MAGI2: variants seen among roughly 807,000 people sequenced by gnomAD.
MAGI2 encodes the protein membrane-associated guanylate kinase, WW and PDZ domain-containing protein 2.
MAGI2 carries 35 observed loss-of-function variants against 133.3 expected under a neutral mutation model. The ratio of observed to expected loss-of-function variants is 0.26; its 90% CI spans 0.20 to 0.35. The LOEUF (loss-of-function observed/expected upper bound fraction) is 0.35, where lower values mean the gene tolerates loss of function less well. Among genes scored for constraint, MAGI2 ranks in the 10% least tolerant of loss-of-function variants. The probability of loss-of-function intolerance (pLI) is 1.00; values close to 1 mark genes in which losing one functional copy is unlikely to be tolerated. For synonymous variants in MAGI2, 729 were observed against 710.6 expected (o/e 1.03, Z -0.41); for missense variants, 1,636 against 1,863.4 (o/e 0.88, Z 2.25).
chr7:78,836,906 CAGCTG>C (rs1791674010), intron 2 of MAGI2, among the ~76,000 whole-genome samples: 3 of 142,904 alleles, frequency 2.1e-5, no homozygotes, highest in Non-Finnish European at 4.7e-5. Flanking sequence ...TACTCAGCCT[CAGCTG>C]TTCGTACTTT....
intron 1 of MAGI2, among the ~76,000 whole-genome samples, chr7:79,447,790 C>T (rs1433437476): frequency 1.3e-5 from 2 of 151,766 alleles, no homozygotes; most frequent in Non-Finnish European, 2.9e-5. Flanking sequence ...AGCCTTTTAA[C>T]TTATTTACAT....
intron 2 of MAGI2, among the ~76,000 whole-genome samples, chr7:78,717,629 A>T (rs1819849194): frequency 6.6e-6 from 1 of 152,150 alleles, no homozygotes; most frequent in Non-Finnish European, 1.5e-5. Context: ...ATAAATAATA[A>T]TGGCAAATTT....
chr7:79,148,864 A>G (rs889138964), intron 1 of MAGI2, among the ~76,000 whole-genome samples: 1 of 146,756 alleles, frequency 6.8e-6, no homozygotes, highest in African/African-American at 2.5e-5. Context: ...ATATATATGT[A>G]TGTTTTATAT....
chr7:78,184,995 C>A (rs957922158), intron 13 of MAGI2, among the ~76,000 whole-genome samples: 1 of 152,142 alleles, frequency 6.6e-6, no homozygotes, highest in African/African-American at 2.4e-5. Flanking sequence ...TCTCTTGAGA[C>A]CTTCTAGCTT....
chr7:79,433,254 G>C (rs981143092), intron 1 of MAGI2, among the ~76,000 whole-genome samples: 1 of 152,004 alleles, frequency 6.6e-6, no homozygotes, highest in African/African-American at 2.4e-5. Flanking sequence ...GTAGGTGAGA[G>C]AAAAATAATT....
chr7:79,033,283 G>A (rs1005898299), intron 1 of MAGI2, among the ~76,000 whole-genome samples: 1 of 152,124 alleles, frequency 6.6e-6, no homozygotes, highest in African/African-American at 2.4e-5. Context: ...AAGATATATA[G>A]CTATATGTTT....
intron 1 of MAGI2, among the ~76,000 whole-genome samples, chr7:79,197,986 C>A (rs187251960): frequency 1.3e-5 from 2 of 152,006 alleles, no homozygotes; most frequent in East Asian, 3.9e-4. Context: ...GTGTCTCAAT[C>A]CTGTAATCCC....
At chr7:79,064,020 G>A (rs764304868) in intron 1 of MAGI2, among the ~76,000 whole-genome samples, 10 of 152,038 alleles carry the variant, frequency 6.6e-5, no homozygotes, top group Non-Finnish European at 1.2e-4. Context: ...GATATCTCAC[G>A]TATATAGCTT....
At chr7:78,101,046 A>T (rs1818168560) in intron 20 of MAGI2, among the ~76,000 whole-genome samples, 1 of 152,218 alleles carries the variant, frequency 6.6e-6, no homozygotes, top group Non-Finnish European at 1.5e-5. Flanking sequence ...GATGGAAGAA[A>T]TTGAAAGAGA....
At chr7:78,655,980 C>CA (rs774125665) in intron 2 of MAGI2, among the ~76,000 whole-genome samples, 22,653 of 59,654 alleles carry the variant, frequency 0.38, 3,592 homozygotes, top group Non-Finnish European at 0.42. Context: ...GACTCCGTCT[C>CA]AAAAAAAAAA....
intron 2 of MAGI2, among the ~76,000 whole-genome samples, chr7:79,004,778 T>A (rs939734239): frequency 1.3e-5 from 2 of 151,986 alleles, no homozygotes; most frequent in Non-Finnish European, 2.9e-5. Flanking sequence ...AGAAAAAAAT[T>A]TTTTTAAAGG....
rs139895511 is a variant in MAGI2 at position 78,572,594 on chromosome 7, G to T, written c.539-50949C>A. Among the ~76,000 whole-genome samples, 506 of 152,156 alleles carry T rather than the reference G, an allele frequency of 3.3e-3. 2 individuals carry two copies. Among genetic ancestry groups the T allele is most frequent in the African/African-American group, 0.011 (475 of 41,522 alleles). On this transcript the variant is annotated intron_variant, in intron 3 of 21. Coordinates refer to ENST00000354212, the MANE Select transcript of MAGI2 (RefSeq NM_012301.4). ...ACAGAATTCCCTTACCTACCCCCCA[G>T]ATTCCTATCCCTGGATGCAATCATT...
At chr7:79,077,364 T>C (rs1219931058) in intron 1 of MAGI2, among the ~76,000 whole-genome samples, 1 of 151,502 alleles carries the variant, frequency 6.6e-6, no homozygotes, top group Non-Finnish European at 1.5e-5. Flanking sequence ...GATACCATCC[T>C]GGCTAACATG....
At chr7:78,793,311 G>T (rs1041144924) in intron 2 of MAGI2, among the ~76,000 whole-genome samples, 1 of 152,182 alleles carries the variant, frequency 6.6e-6, no homozygotes, top group Non-Finnish European at 1.5e-5. Flanking sequence ...CTTCCCAAAA[G>T]AATATTTGGC....
At chr7:78,131,831 T>C (rs1375356080) in intron 18 of MAGI2, among the ~76,000 whole-genome samples, 1 of 152,196 alleles carries the variant, frequency 6.6e-6, no homozygotes, top group Non-Finnish European at 1.5e-5. Context: ...CCTCATTAGA[T>C]TGTGGGTAGG....
rs1249826250 is a variant in MAGI2, at chr7:79,174,445, A to T, written c.302-167239T>A. Reference sequence around the variant, plus strand: ...CACATACACAAATGTGTGGTTCGGAAGGTAATCAAAAGTGATGAGAACATG... The same window carrying T: ...CACATACACAAATGTGTGGTTCGGATGGTAATCAAAAGTGATGAGAACATG... On this transcript the variant is annotated intron_variant, in intron 1 of 21. Transcript: ENST00000354212. Among the ~76,000 whole-genome samples the T allele has an allele frequency of 2.0e-5, 3 of 152,068 alleles. No individual in the cohort carries two copies. In the South Asian group the frequency reaches 6.2e-4, roughly 32 times the overall value.
intron 10 of MAGI2, among the ~76,000 whole-genome samples, chr7:78,212,350 C>A (rs1407821063): frequency 1.3e-5 from 2 of 152,152 alleles, no homozygotes; most frequent in Non-Finnish European, 2.9e-5. Flanking sequence ...TTTGATTATA[C>A]AGGTGGGCCC....
chr7:78,065,080 T>C (rs986287334), intron 21 of MAGI2, among the ~76,000 whole-genome samples: 4 of 152,086 alleles, frequency 2.6e-5, no homozygotes, highest in African/African-American at 7.2e-5. Context: ...GATCTTGTCC[T>C]GATTGGATAA....
intron 1 of MAGI2, among the ~76,000 whole-genome samples, chr7:79,209,681 A>G (rs1003392413): frequency 1.3e-5 from 2 of 152,068 alleles, no homozygotes; most frequent in African/African-American, 4.8e-5. Flanking sequence ...CTCCTCCAGG[A>G]CAATTAATCA....
Sources: gnomAD v4.1 joint callset for allele counts (sites outside exome capture counted in the v4.1 genomes callset) on GRCh38, gnomAD v4.1.1 for gene constraint, MANE v1.5 for transcripts, NCBI Gene and HGNC (gene_info 2026-07-23, HGNC 2026-07-21) for gene names.